The following ADCY8 variants were observed in gnomAD, a reference collection of about 807,000 sequenced individuals.
ADCY8 encodes the protein adenylate cyclase 8.
In ADCY8, 51 loss-of-function variants were observed where a neutral mutation model predicts 119.7. The observed-to-expected ratio is 0.43, with a 90% CI of 0.34 to 0.54. ADCY8 has a LOEUF of 0.54. Ranked by LOEUF, ADCY8 falls within the 20% of genes least tolerant of loss-of-function variation. ADCY8 has a pLI of 0.03. For missense variants in ADCY8, 1,383 were observed against 1,598.8 expected, an observed-to-expected ratio of 0.87 and a Z score of 2.30; for synonymous variants, 665 against 651.0, an observed-to-expected ratio of 1.02 and a Z score of -0.33.
At chr8:130,907,638 G>C (rs1004178799) in intron 6 of ADCY8, among the ~76,000 whole-genome samples, 1 of 152,132 alleles carries the variant, frequency 6.6e-6, no homozygotes, top group Non-Finnish European at 1.5e-5. Context: ...GTAAACCCAC[G>C]GTTCAGACTC....
chr8:131,034,220 TG>T (rs1295273942), intron 1 of ADCY8, among the ~76,000 whole-genome samples: 2 of 152,136 alleles, frequency 1.3e-5, no homozygotes, highest in Non-Finnish European at 2.9e-5. Flanking sequence ...TTATTTGATT[TG>T]AGATAGCTAC....
intron 5 of ADCY8, among the ~76,000 whole-genome samples, chr8:130,931,853 ATTTTTT>A (rs373367544): frequency 8.6e-5 from 13 of 150,946 alleles, no homozygotes; most frequent in Admixed American, 6.6e-4. Flanking sequence ...CATTTTATTA[ATTTTTT>A]TTTGCATTTT....
At chr8:130,856,985 C>T (rs771840647) in intron 9 of ADCY8, among the ~76,000 whole-genome samples, 50 of 151,086 alleles carry the variant, frequency 3.3e-4, no homozygotes, top group Non-Finnish European at 5.3e-4. Flanking sequence ...TAAAGAAAAC[C>T]ACACAAAAGT....
At chr8:130,827,118 G>T (rs141485829) in intron 12 of ADCY8, among the ~76,000 whole-genome samples, 7 of 152,348 alleles carry the variant, frequency 4.6e-5, no homozygotes, top group Non-Finnish European at 1.5e-5. Context: ...TGCGGAAGCA[G>T]ATGAGTAGTA....
chr8:130,966,123 C>A (rs780264595), intron 2 of ADCY8, among the ~76,000 whole-genome samples: 12 of 152,136 alleles, frequency 7.9e-5, no homozygotes, highest in Non-Finnish European at 1.5e-4. Flanking sequence ...AAGGGTGAAA[C>A]TGAGGCTGGA....
At chr8:130,880,451 G>T (rs1193562591) in intron 8 of ADCY8, among the ~76,000 whole-genome samples, 1 of 152,212 alleles carries the variant, frequency 6.6e-6, no homozygotes, top group Non-Finnish European at 1.5e-5. Flanking sequence ...GGTAGCATCT[G>T]ACAGACACAT....
At chr8:131,032,553 G>T (rs577065553) in intron 1 of ADCY8, among the ~76,000 whole-genome samples, 2 of 152,190 alleles carry the variant, frequency 1.3e-5, no homozygotes, top group Non-Finnish European at 2.9e-5. Flanking sequence ...AGTGGCATTT[G>T]CTGGTAGGTG....
intron 5 of ADCY8, among the ~76,000 whole-genome samples, chr8:130,932,053 G>C (rs113195962): frequency 6.6e-5 from 10 of 152,230 alleles, no homozygotes; most frequent in African/African-American, 2.4e-4. Flanking sequence ...GAATAAGTAA[G>C]TCCTTATTAT....
chr8:130,880,716 C>T (rs569732934), intron 8 of ADCY8, among the ~76,000 whole-genome samples: 1 of 152,288 alleles, frequency 6.6e-6, no homozygotes, highest in South Asian at 2.1e-4. Flanking sequence ...CTGGCTGAGG[C>T]CCAAGCCTTG....
At chr8:130,879,533 G>C (rs181081677) in intron 8 of ADCY8, among the ~76,000 whole-genome samples, 40 of 152,172 alleles carry the variant, frequency 2.6e-4, no homozygotes, top group African/African-American at 9.2e-4. Context: ...ATTTTTGAGG[G>C]CAACTTCAAA....
chr8:130,895,496 T>C (rs1203197763), intron 7 of ADCY8, among the ~76,000 whole-genome samples: 1 of 152,152 alleles, frequency 6.6e-6, no homozygotes, highest in Non-Finnish European at 1.5e-5. Context: ...ATGGATCCAA[T>C]TGCCTACTTA....
intron 9 of ADCY8, among the ~76,000 whole-genome samples, chr8:130,855,078 G>A (rs73716648): frequency 0.013 from 1,987 of 149,604 alleles, 41 homozygotes; most frequent in African/African-American, 0.047. Context: ...GGAAATTAAA[G>A]GAAAGAGCTG....
In ADCY8 at chr8:130,903,830, A is replaced by T; in HGVS notation, c.1853T>A (p.Phe618Tyr). 1 of 1,613,764 alleles carries T rather than the reference A, an allele frequency of 6.2e-7. No homozygotes were observed. Among genetic ancestry groups the T allele is most frequent in the Non-Finnish European group, 8.5e-7 (1 of 1,179,996 alleles). The change falls in exon 7 of 18, where the codon TTC becomes TAC. Residue 618 changes from phenylalanine to tyrosine, a missense_variant. Transcript: ENST00000286355. The part of the protein sequence containing the change: ...SSDRRNSGAT[F>Y]TEGSWSPELP... ...TTCAGGGCTCCAGGATCCTTCAGTG[A>T]ATGTGGCCCCACTGTTTCTCCGGTC...
chr8:130,791,337 G>A (rs1014005499), intron 15 of ADCY8, among the ~76,000 whole-genome samples: 3 of 152,280 alleles, frequency 2.0e-5, no homozygotes, highest in Admixed American at 1.3e-4. Context: ...AGCCCTGAGA[G>A]TTCCTCCCCA....
intron 11 of ADCY8, among the ~76,000 whole-genome samples, chr8:130,843,866 G>A (rs542119675): frequency 5.9e-5 from 9 of 152,250 alleles, no homozygotes; most frequent in African/African-American, 2.2e-4. Flanking sequence ...GATGGAGTGT[G>A]AATGCTAAGA....
intron 15 of ADCY8, among the ~76,000 whole-genome samples, chr8:130,789,327 C>T (rs1393192173): frequency 2.0e-5 from 3 of 152,140 alleles, no homozygotes; most frequent in Admixed American, 1.3e-4. Context: ...CTGTGCCTGG[C>T]CTCTCCTCTG....
chr8:130,932,041 T>C (rs771579917), intron 5 of ADCY8, among the ~76,000 whole-genome samples: 3 of 152,198 alleles, frequency 2.0e-5, no homozygotes, highest in Non-Finnish European at 4.4e-5. Context: ...CCCTGCTCAG[T>C]TGAATAAGTA....
intron 1 of ADCY8, among the ~76,000 whole-genome samples, chr8:131,025,035 T>G (rs760898090): frequency 5.9e-5 from 9 of 152,166 alleles, no homozygotes; most frequent in Non-Finnish European, 1.2e-4. Context: ...GTCATAGAAT[T>G]TTAGAGCTAT....
intron 6 of ADCY8, among the ~76,000 whole-genome samples, chr8:130,907,776 T>G (rs1272781278): frequency 6.6e-6 from 1 of 152,206 alleles, no homozygotes; most frequent in South Asian, 2.1e-4. Context: ...TCAGGTGGTA[T>G]ATGTGCAGCT....
Sources: allele counts gnomAD v4.1 joint callset (sites outside exome capture counted in the v4.1 genomes callset), GRCh38; gene constraint gnomAD v4.1.1; transcripts MANE v1.5; gene names NCBI Gene and HGNC (gene_info 2026-07-23, HGNC 2026-07-21).